Variants in DOK6 observed in about 807,000 individuals in gnomAD.
The protein encoded by DOK6 is docking protein 6.
DOK6 carries 22 observed loss-of-function variants against 44.0 expected under a neutral mutation model. The observed-to-expected ratio is 0.50, with a 90% CI of 0.36 to 0.71. The LOEUF is 0.71. DOK6 is among the 30% of genes least tolerant of loss of function. The pLI is 0.00. For missense variants in DOK6, 340 were observed against 416.4 expected (o/e 0.82, Z 1.60); for synonymous variants, 166 against 145.5 (o/e 1.14, Z -1.01).
intron 5 of DOK6, among the ~76,000 whole-genome samples, chr18:69,700,436 T>C (rs1986493238): frequency 6.6e-6 from 1 of 152,048 alleles, no homozygotes; most frequent in Non-Finnish European, 1.5e-5. Context: ...AAATAACAAG[T>C]CATTTTCTTT....
chr18:69,429,251 T>C lies in DOK6; in HGVS notation c.66+27941T>C, dbSNP rs77602450. Among the ~76,000 whole-genome samples, 1,506 of 152,198 alleles carry C rather than the reference T, an allele frequency of 9.9e-3. 21 individuals carry two copies. The highest frequency in any genetic ancestry group is 0.033 in the African/African-American group (1,376 of 41,532). On this transcript the variant is annotated intron_variant, in intron 1 of 7. Transcript: ENST00000382713. Reference sequence around the variant, plus strand: ...TAAGGAAATTATAAGAGAATTTTAGTAGCATGGACATATTCCTGTGAATTG... The same window carrying C: ...TAAGGAAATTATAAGAGAATTTTAGCAGCATGGACATATTCCTGTGAATTG...
At chr18:69,527,512 C>G (rs1434383515) in intron 1 of DOK6, among the ~76,000 whole-genome samples, 1 of 152,174 alleles carries the variant, frequency 6.6e-6, no homozygotes, top group African/African-American at 2.4e-5. Context: ...TAACTGCCCC[C>G]GTGATTCAAC....
intron 3 of DOK6, among the ~76,000 whole-genome samples, chr18:69,648,739 G>A (rs910762637): frequency 5.9e-5 from 9 of 152,266 alleles, no homozygotes; most frequent in Admixed American, 3.9e-4. Flanking sequence ...TTATGCCTAG[G>A]TGGAATTTGT....
chr18:69,691,513 A>T (rs1039051847), intron 4 of DOK6, among the ~76,000 whole-genome samples: 1 of 152,164 alleles, frequency 6.6e-6, no homozygotes, highest in Admixed American at 6.5e-5. Context: ...AGTGCTACCC[A>T]AGCTGGTACC....
intron 1 of DOK6, among the ~76,000 whole-genome samples, chr18:69,441,741 G>T (rs188707880): frequency 2.0e-3 from 305 of 152,244 alleles, no homozygotes; most frequent in African/African-American, 7.1e-3. Context: ...CAGAATAACT[G>T]TTGATTCAAC....
chr18:69,612,466 T>G (rs1337724084), intron 3 of DOK6, among the ~76,000 whole-genome samples: 1 of 152,070 alleles, frequency 6.6e-6, no homozygotes. Context: ...AGCGTGCATA[T>G]GTATTTCTTG....
chr18:69,486,061 G>A (rs1568273304), intron 1 of DOK6, among the ~76,000 whole-genome samples: 1 of 150,152 alleles, frequency 6.7e-6, no homozygotes, highest in Non-Finnish European at 1.5e-5. Flanking sequence ...ATATGAAGCA[G>A]GGAAAATAGG....
intron 3 of DOK6, among the ~76,000 whole-genome samples, chr18:69,614,477 A>T (rs1002167050): frequency 2.6e-5 from 4 of 152,124 alleles, no homozygotes; most frequent in African/African-American, 9.7e-5. Context: ...TACTTCATAA[A>T]ATGGTCACCA....
chr18:69,787,698 G>A (rs907889194), intron 7 of DOK6, among the ~76,000 whole-genome samples: 8 of 152,130 alleles, frequency 5.3e-5, no homozygotes, highest in Admixed American at 2.6e-4. Context: ...AAAGTTAAAA[G>A]TGGTTCTAGT....
chr18:69,549,358 G>C (rs1282599301), intron 1 of DOK6, among the ~76,000 whole-genome samples: 3 of 151,406 alleles, frequency 2.0e-5, no homozygotes, highest in Admixed American at 6.6e-5. Context: ...AATTAACCAT[G>C]CTTTTTTTAT....
chr18:69,815,242 A>C (rs1308256704), intron 7 of DOK6, among the ~76,000 whole-genome samples: 2 of 152,190 alleles, frequency 1.3e-5, no homozygotes, highest in Admixed American at 1.3e-4. Flanking sequence ...GGGAAAACTA[A>C]ATAGAGATGT....
intron 1 of DOK6, among the ~76,000 whole-genome samples, chr18:69,540,248 C>A (rs1035930603): frequency 6.6e-6 from 1 of 152,138 alleles, no homozygotes; most frequent in Non-Finnish European, 1.5e-5. Flanking sequence ...GAGATGCCAC[C>A]TTTATCATCA....
intron 1 of DOK6, among the ~76,000 whole-genome samples, chr18:69,466,580 G>A (rs1262114430): frequency 6.6e-6 from 1 of 151,636 alleles, no homozygotes; most frequent in Admixed American, 6.6e-5. Flanking sequence ...ATTTTTTGAG[G>A]AACATTCAAA....
At position 69,845,691 on chromosome 18, in the gene DOK6, C is replaced by T. The variant is rs1982331237; in HGVS notation, c.*4308C>T. On this transcript the variant is annotated 3_prime_UTR_variant, in exon 8 of 8. Transcript: ENST00000382713. ...GGTCTCTACCTTTCTAACATTCTAA[C>T]CCAAGGCCAGTGTCATGGGCTTGGC... 6.6e-6 allele frequency: 1 copy of T among 152,166 alleles called. No individual in the cohort carries two copies. The highest frequency in any genetic ancestry group is 2.4e-5 in the African/African-American group (1 of 41,434). The allele number at this position is 152,166 out of a possible 1,614,324, so 9.4% of individuals were successfully genotyped here.
At chr18:69,569,030 C>T (rs577664465) in intron 2 of DOK6, among the ~76,000 whole-genome samples, 1 of 151,910 alleles carries the variant, frequency 6.6e-6, no homozygotes, top group East Asian at 1.9e-4. Context: ...TTGAATCATC[C>T]CGAAACTGTC....
intron 1 of DOK6, among the ~76,000 whole-genome samples, chr18:69,465,463 C>A (rs984800263): frequency 6.6e-6 from 1 of 151,706 alleles, no homozygotes; most frequent in African/African-American, 2.4e-5. Context: ...CCGCTCCCCC[C>A]ACCCCACAAC....
intron 7 of DOK6, among the ~76,000 whole-genome samples, chr18:69,800,438 G>C (rs765623687): frequency 6.6e-6 from 1 of 152,018 alleles, no homozygotes; most frequent in East Asian, 1.9e-4. Flanking sequence ...AAGATATTAA[G>C]TGCTATTATT....
chr18:69,465,484 G>A (rs2122480232), intron 1 of DOK6, among the ~76,000 whole-genome samples: 1 of 151,580 alleles, frequency 6.6e-6, no homozygotes, highest in East Asian at 1.9e-4. Flanking sequence ...AGTCCCCAGA[G>A]TGTGATGTTC....
chr18:69,561,072 G>A (rs541438808), intron 1 of DOK6, among the ~76,000 whole-genome samples: 2 of 152,232 alleles, frequency 1.3e-5, no homozygotes, highest in Admixed American at 6.5e-5. Flanking sequence ...GCAGAAAATT[G>A]TACCTACTCT....
Sources: allele counts gnomAD v4.1 joint callset (sites outside exome capture counted in the v4.1 genomes callset), GRCh38; gene constraint gnomAD v4.1.1; transcripts MANE v1.5; gene names NCBI Gene and HGNC (gene_info 2026-07-23, HGNC 2026-07-21).